SDK1: variants seen among roughly 807,000 people sequenced by gnomAD.
The protein encoded by SDK1 is protein sidekick-1.
A neutral mutation model predicts 245.5 loss-of-function variants in SDK1; 157 were observed. The ratio of observed to expected loss-of-function variants is 0.64; its 90% confidence interval spans 0.56 to 0.73. The LOEUF is 0.73. Among genes scored for constraint, SDK1 ranks in the 30% least tolerant of loss-of-function variants. SDK1 has a pLI of 0.00. For synonymous variants in SDK1, 1,647 were observed against 1,278.5 expected (o/e 1.29, Z -6.15); for missense variants, 3,583 against 3,002.3 (o/e 1.19, Z -4.52).
At chr7:3,741,012 T>G (rs761602220) in intron 4 of SDK1, among the ~76,000 whole-genome samples, 1 of 152,190 alleles carries the variant, frequency 6.6e-6, no homozygotes, top group Admixed American at 6.5e-5. Flanking sequence ...GGACCTATCC[T>G]TGTGATTAAT....
intron 4 of SDK1, among the ~76,000 whole-genome samples, chr7:3,670,510 C>G (rs1192048330): frequency 1.3e-5 from 2 of 152,098 alleles, no homozygotes; most frequent in African/African-American, 2.4e-5. Flanking sequence ...GTGTTCTCAT[C>G]TCTGAAATGC....
chr7:3,651,737 A>G (rs1783020018), intron 4 of SDK1, among the ~76,000 whole-genome samples: 1 of 152,234 alleles, frequency 6.6e-6, no homozygotes, highest in Admixed American at 6.5e-5. Context: ...GTGTAACTGC[A>G]GAACATCAAA....
intron 14 of SDK1, among the ~76,000 whole-genome samples, chr7:3,999,991 T>A (rs1347774645): frequency 6.6e-6 from 1 of 152,016 alleles, no homozygotes; most frequent in Non-Finnish European, 1.5e-5. Flanking sequence ...TGAAAGCAAG[T>A]TTTTAGCAAG....
intron 40 of SDK1, among the ~76,000 whole-genome samples, chr7:4,226,481 C>G (rs538445439): frequency 1.1e-4 from 16 of 152,378 alleles, no homozygotes; most frequent in African/African-American, 3.6e-4. Context: ...CCTTACACCC[C>G]CCGCACATTC....
At position 4,267,087 on chromosome 7, in the gene SDK1, G is replaced by C; in HGVS notation, c.*1703G>C. 5 of 985,452 alleles carry C rather than the reference G, an allele frequency of 5.1e-6. No individual in the cohort carries two copies. Among genetic ancestry groups the C allele is most frequent in the Non-Finnish European group, 6.0e-6 (5 of 829,944 alleles). The allele number at this position is 985,452 out of a possible 1,614,324, so 61.0% of individuals were successfully genotyped here. ...GTCAGCGTTGCTGAGTATGGCCCCA[G>C]GAGACCAAGGAGAGTTTTGTATAGG... is the stretch of plus-strand genomic sequence containing the variant. On this transcript the variant is annotated 3_prime_UTR_variant, in exon 45 of 45. Coordinates refer to ENST00000404826, the MANE Select transcript of SDK1 (RefSeq NM_152744.4).
chr7:4,139,487 GTATA>G (rs1159686271), intron 28 of SDK1, among the ~76,000 whole-genome samples: 1 of 131,392 alleles, frequency 7.6e-6, no homozygotes, highest in African/African-American at 2.7e-5. Flanking sequence ...ATATGTGTGT[GTATA>G]TATGTGTGTG....
At chr7:3,423,208 A>G (rs1381390560) in intron 1 of SDK1, among the ~76,000 whole-genome samples, 1 of 152,208 alleles carries the variant, frequency 6.6e-6, no homozygotes, top group Non-Finnish European at 1.5e-5. Context: ...TGATTACAAC[A>G]ATTTACGTTT....
At chr7:4,052,913 C>G (rs1450380899) in intron 19 of SDK1, among the ~76,000 whole-genome samples, 1 of 151,692 alleles carries the variant, frequency 6.6e-6, no homozygotes, top group Non-Finnish European at 1.5e-5. Flanking sequence ...ATGGTGAAAC[C>G]CCGTCATTAC....
chr7:3,808,673 G>A (rs563068657), intron 4 of SDK1, among the ~76,000 whole-genome samples: 2 of 152,244 alleles, frequency 1.3e-5, no homozygotes, highest in South Asian at 2.1e-4. Flanking sequence ...CCTGATGGCT[G>A]TTTGATACAT....
intron 1 of SDK1, among the ~76,000 whole-genome samples, chr7:3,540,594 G>A (rs1386504490): frequency 6.6e-6 from 1 of 152,202 alleles, no homozygotes; most frequent in East Asian, 1.9e-4. Context: ...TATGATATGT[G>A]CTATGGGGAA....
chr7:3,582,720 G>T (rs1447254427), intron 1 of SDK1, among the ~76,000 whole-genome samples: 2 of 136,566 alleles, frequency 1.5e-5, no homozygotes, highest in African/African-American at 6.0e-5. Context: ...GGTACCATCA[G>T]GGCTAGTCTG....
chr7:3,788,908 C>A (rs373517256), intron 4 of SDK1, among the ~76,000 whole-genome samples: 1 of 152,158 alleles, frequency 6.6e-6, no homozygotes, highest in South Asian at 2.1e-4. Flanking sequence ...GAGAAGAAGA[C>A]CTGGGCATGG....
intron 1 of SDK1, among the ~76,000 whole-genome samples, chr7:3,360,220 A>G (rs973255071): frequency 1.2e-4 from 19 of 152,202 alleles, no homozygotes; most frequent in Admixed American, 6.5e-5. Context: ...ACTAGTCACT[A>G]TATTCCTGGA....
rs376159175 is a variant in SDK1 at position 3,990,045 on chromosome 7, T to G, written c.2131+2723T>G. On this transcript the variant is annotated intron_variant, in intron 14 of 44. Coordinates refer to ENST00000404826, the MANE Select transcript of SDK1 (RefSeq NM_152744.4). ...CCTTCGGAAGCAGAGTGTGCTGTCC[T>G]GCACTACAGCGGGGCTTCAGGGAGA... Among the ~76,000 whole-genome samples the G allele has an allele frequency of 4.6e-5, 7 of 152,348 alleles. No homozygotes were observed. The East Asian group carries it at 1.4e-3, about 29-fold the overall frequency.
intron 25 of SDK1, among the ~76,000 whole-genome samples, chr7:4,116,992 G>A (rs1444104638): frequency 1.3e-5 from 2 of 152,318 alleles, no homozygotes; most frequent in South Asian, 2.1e-4. Flanking sequence ...TTGTGGTCAC[G>A]TGGATTTCAA....
At chr7:3,565,259 G>A (rs536241510) in intron 1 of SDK1, among the ~76,000 whole-genome samples, 6 of 152,224 alleles carry the variant, frequency 3.9e-5, no homozygotes, top group South Asian at 4.1e-4. Context: ...TCATGATAAA[G>A]CATCTAAATT....
intron 4 of SDK1, among the ~76,000 whole-genome samples, chr7:3,670,471 A>C (rs1000080540): frequency 6.6e-6 from 1 of 152,170 alleles, no homozygotes; most frequent in African/African-American, 2.4e-5. Flanking sequence ...AACTTTTATT[A>C]ATGGACAAGT....
intron 1 of SDK1, among the ~76,000 whole-genome samples, chr7:3,321,217 T>C (rs1779794487): frequency 6.6e-6 from 1 of 152,226 alleles, no homozygotes. Flanking sequence ...TAGAATTTCT[T>C]TTGACAGATT....
intron 4 of SDK1, among the ~76,000 whole-genome samples, chr7:3,795,485 C>T (rs528397408): frequency 6.6e-6 from 1 of 152,194 alleles, no homozygotes; most frequent in South Asian, 2.1e-4. Context: ...GAAATGGGCT[C>T]TGAAAGGAAT....
Sources: allele counts gnomAD v4.1 joint callset (sites outside exome capture counted in the v4.1 genomes callset), GRCh38; gene constraint gnomAD v4.1.1; transcripts MANE v1.5; gene names NCBI Gene and HGNC (gene_info 2026-07-23, HGNC 2026-07-21).